The following GNAL variants were observed in gnomAD, a reference collection of about 807,000 sequenced individuals.
GNAL encodes guanine nucleotide-binding protein G(olf) subunit alpha.
In GNAL, 18 loss-of-function variants were observed where a neutral mutation model predicts 55.1. The observed-to-expected ratio is 0.33, with a 90% CI of 0.23 to 0.48. The LOEUF is 0.48. Among genes scored for constraint, GNAL ranks in the 20% least tolerant of loss-of-function variants. The pLI is 0.99. For missense variants in GNAL, 412 were observed against 614.1 expected (o/e 0.67, Z 3.48); for synonymous variants, 253 against 237.0 (o/e 1.07, Z -0.62).
intron 4 of GNAL, among the ~76,000 whole-genome samples, chr18:11,817,302 G>A (rs369492678): frequency 6.6e-6 from 1 of 152,156 alleles, no homozygotes; most frequent in East Asian, 1.9e-4. Context: ...TTGAATCCAG[G>A]TTTGACCACT....
Position 11,752,326 on chromosome 18 carries a change from C to G in GNAL, c.377-527C>G, listed in dbSNP as rs541722454. 5 of 1,478,778 alleles carry G rather than the reference C, an allele frequency of 3.4e-6. No individual in the cohort carries two copies. The highest frequency in any genetic ancestry group is 5.1e-5 in the Admixed American group (2 of 38,926). The allele number at this position is 1,478,778 out of a possible 1,614,324, so 91.6% of individuals were successfully genotyped here. ...ACCGAAGAGACCAGACCATCTCTTT[C>G]AGCAGCAGGAAAGAGAGGAGCCGTC... On this transcript the variant is annotated intron_variant, in intron 1 of 11. Transcript: ENST00000334049. The surrounding 1 kb of genome is among the most constrained non-coding windows in gnomAD (Gnocchi z 4.5).
At chr18:11,755,074 G>T (rs12954890) in intron 4 of GNAL, among the ~76,000 whole-genome samples, 2 of 151,778 alleles carry the variant, frequency 1.3e-5, no homozygotes, top group Non-Finnish European at 2.9e-5. Context: ...GTATTGCCTG[G>T]CATGGTGGTT....
At chr18:11,854,875 G>A (rs2035967673) in intron 5 of GNAL, among the ~76,000 whole-genome samples, 1 of 152,202 alleles carries the variant, frequency 6.6e-6, no homozygotes, top group East Asian at 1.9e-4. Context: ...TTAAATTTTT[G>A]TTTGGTTAGT....
rs1438154522 is a variant in GNAL, at chr18:11,777,512, TTG to T, written c.624+23568_624+23569del. Reference sequence around the variant, plus strand: ...TTCAAGGCATGTAAACAGAGATACATTGATCTTCTAAGCAATATCTTCATTTG... The same window carrying T: ...TTCAAGGCATGTAAACAGAGATACATATCTTCTAAGCAATATCTTCATTTG... On this transcript the variant is annotated intron_variant, in intron 4 of 11. Transcript: ENST00000334049. Among the ~76,000 whole-genome samples, 4 of 152,334 alleles carry T rather than the reference TTG, an allele frequency of 2.6e-5. No individual in the cohort carries two copies. The South Asian group carries it at 6.2e-4, about 24-fold the overall frequency.
At chr18:11,768,801 G>A (rs2033498141) in intron 4 of GNAL, among the ~76,000 whole-genome samples, 1 of 147,720 alleles carries the variant, frequency 6.8e-6, no homozygotes, top group African/African-American at 2.5e-5. Flanking sequence ...GGCTGAGGCA[G>A]GAGAATGGTG....
intron 5 of GNAL, among the ~76,000 whole-genome samples, chr18:11,838,764 ACTTT>A (rs896646518): frequency 2.0e-5 from 3 of 152,334 alleles, no homozygotes; most frequent in Admixed American, 1.3e-4. Context: ...TCATGTACTT[ACTTT>A]GTCTTTTTAA....
chr18:11,779,634 C>T (rs754210073), intron 4 of GNAL, among the ~76,000 whole-genome samples: 1 of 152,024 alleles, frequency 6.6e-6, no homozygotes, highest in Non-Finnish European at 1.5e-5. Context: ...AGTGAAAATG[C>T]GGGTCAATGG....
At chr18:11,876,845 C>T (rs746622166) in intron 11 of GNAL, among the ~76,000 whole-genome samples, 157 bp downstream of exon 11, 2 of 152,160 alleles carry the variant, frequency 1.3e-5, no homozygotes, top group African/African-American at 2.4e-5. Flanking sequence ...CTGAGCACAC[C>T]GAGGTTCAGA....
At position 11,868,776 on chromosome 18, in the gene GNAL, C is replaced by G. The variant is rs1176974896; in HGVS notation, c.1031+113C>G. ...ACCTGTAATCTCAACACTGGGAGGC[C>G]GAGGCAGGTGTGTCACTTGAGCTCA... On this transcript the variant is annotated intron_variant, in intron 9 of 11. Transcript: ENST00000334049. This position sits in a 1 kb window ranked among gnomAD's most constrained non-coding sequence, Gnocchi z 4.0. The G allele has an allele frequency of 1.2e-6, 1 of 806,518 alleles. No individual in the cohort carries two copies. Among genetic ancestry groups the G allele is most frequent in the Non-Finnish European group, 1.9e-6 (1 of 520,480 alleles). The allele number at this position is 806,518 out of a possible 1,614,324, so 50.0% of individuals were successfully genotyped here.
chr18:11,728,843 A>G (rs1268235935), intron 1 of GNAL, among the ~76,000 whole-genome samples: 1 of 152,152 alleles, frequency 6.6e-6, no homozygotes, highest in Non-Finnish European at 1.5e-5. Context: ...TCAATATTGC[A>G]AGCAAAAGAC....
chr18:11,772,583 G>A (rs72865281), intron 4 of GNAL, among the ~76,000 whole-genome samples: 1 of 152,298 alleles, frequency 6.6e-6, no homozygotes, highest in Non-Finnish European at 1.5e-5. Context: ...ACTTAGGTGT[G>A]TCTGATCCAA....
At chr18:11,758,605 CAT>C (rs779070329) in intron 4 of GNAL, among the ~76,000 whole-genome samples, 18 of 152,188 alleles carry the variant, frequency 1.2e-4, no homozygotes, top group Non-Finnish European at 2.1e-4. Flanking sequence ...ATAACACAAA[CAT>C]ATTTTACAAC....
chr18:11,862,584 C>G (rs1459684204), intron 6 of GNAL, 135 bp downstream of exon 6: 5 of 702,672 alleles, frequency 7.1e-6, no homozygotes, highest in Non-Finnish European at 1.3e-5. Flanking sequence ...TTTGTACTGC[C>G]CTGTGTGTGT....
chr18:11,770,426 C>T (rs577646984), intron 4 of GNAL, among the ~76,000 whole-genome samples: 7 of 152,234 alleles, frequency 4.6e-5, no homozygotes, highest in Non-Finnish European at 4.4e-5. Context: ...CTTAATTTTC[C>T]TCCCTACTGC....
intron 1 of GNAL, 140 bp downstream of exon 1, chr18:11,690,079 C>A: frequency 2.5e-6 from 1 of 407,008 alleles, no homozygotes; most frequent in Non-Finnish European, 3.9e-6. Context: ...TGGACCCGGA[C>A]GGGCGGCGGG....
At chr18:11,789,007 T>TTATAAAGAG (rs1462172664) in intron 4 of GNAL, among the ~76,000 whole-genome samples, 1 of 149,776 alleles carries the variant, frequency 6.7e-6, no homozygotes, top group African/African-American at 2.5e-5. Context: ...AGAGTATTAG[T>TTATAAAGAG]TATAAAGAGG....
At chr18:11,735,853 G>A (rs1157625992) in intron 1 of GNAL, among the ~76,000 whole-genome samples, 1 of 152,022 alleles carries the variant, frequency 6.6e-6, no homozygotes, top group Non-Finnish European at 1.5e-5. Context: ...CAAGGTCACA[G>A]TAAAAAGTTC....
intron 10 of GNAL, among the ~76,000 whole-genome samples, chr18:11,873,579 G>A (rs368603536): frequency 1.3e-5 from 2 of 152,250 alleles, no homozygotes; most frequent in African/African-American, 4.8e-5. Context: ...GTCACTCAGC[G>A]TGAGGTCAAG....
intron 4 of GNAL, among the ~76,000 whole-genome samples, chr18:11,788,487 G>A (rs1263753072): frequency 1.3e-5 from 2 of 152,128 alleles, no homozygotes; most frequent in African/African-American, 4.8e-5. Context: ...CCACAATCAT[G>A]CCAAGAATCG....
Sources: allele counts gnomAD v4.1 joint callset (sites outside exome capture counted in the v4.1 genomes callset), GRCh38; gene constraint gnomAD v4.1.1; non-coding constraint Gnocchi (gnomAD v3.1); transcripts MANE v1.5; gene names NCBI Gene and HGNC (gene_info 2026-07-23, HGNC 2026-07-21).